The following CNTLN variants were observed in gnomAD, a reference collection of about 807,000 sequenced individuals.
CNTLN encodes centlein.
Under a neutral mutation model 180.0 loss-of-function variants are expected in CNTLN, and 212 were observed. The observed-to-expected ratio is 1.18, with a 90% CI of 1.05 to 1.32. The LOEUF (loss-of-function observed/expected upper bound fraction) is 1.32. Ranked by LOEUF, CNTLN falls within the 40% of genes most tolerant of loss-of-function variation. The pLI, the probability that CNTLN is intolerant of heterozygous loss-of-function variation, is 0.00. For missense variants in CNTLN, 2,095 were observed against 1,610.9 expected, an observed-to-expected ratio of 1.30 and a Z score of -5.14; for synonymous variants, 722 against 563.1, an observed-to-expected ratio of 1.28 and a Z score of -3.99.
intron 13 of CNTLN, among the ~76,000 whole-genome samples, chr9:17,384,745 C>T (rs1331737466): frequency 6.6e-6 from 1 of 152,040 alleles, no homozygotes; most frequent in Non-Finnish European, 1.5e-5. Flanking sequence ...CTGATTATTG[C>T]CTATTTATCC....
chr9:17,347,404 C>G (rs556577625), intron 12 of CNTLN, among the ~76,000 whole-genome samples: 1 of 152,300 alleles, frequency 6.6e-6, no homozygotes, highest in South Asian at 2.1e-4. Context: ...CACAGTGGCT[C>G]ATGCCTGTAA....
rs1281993370 is a variant in CNTLN, at chr9:17,366,782, A to G, written c.1987+65A>G. 6 of 903,776 alleles carry G rather than the reference A, an allele frequency of 6.6e-6. No homozygotes were observed. The African/African-American group carries it at 8.7e-5, about 13-fold the overall frequency. 56.0% of individuals were successfully genotyped at this position (903,776 alleles called of 1,614,324 possible). ...AAAATTGTGTAATTCTTGATGTTTT[A>G]GTTTCAATTTCTTTTAAGAATCTTA... On this transcript the variant is annotated intron_variant, in intron 13 of 25. Coordinates refer to ENST00000380647, the MANE Select transcript of CNTLN (RefSeq NM_017738.4).
intron 6 of CNTLN, among the ~76,000 whole-genome samples, chr9:17,292,722 G>C (rs1489454086): frequency 6.6e-6 from 1 of 152,056 alleles, no homozygotes; most frequent in African/African-American, 2.4e-5. Context: ...ATGGTTCTTA[G>C]CTTCTTTGTA....
rs190115357 is a variant in CNTLN, at chr9:17,251,337, A to G, written c.849+14749A>G. ...TTGGGCCATCATTTATTCAAATAGT[A>G]TTTCTACCATTTTCTTGGTCCCTTC... On this transcript the variant is annotated intron_variant, in intron 5 of 25. Transcript: ENST00000380647. Among the ~76,000 whole-genome samples the G allele has an allele frequency of 4.6e-5, 7 of 151,970 alleles. No individual in the cohort carries two copies. The East Asian group carries it at 1.2e-3, about 25-fold the overall frequency.
At chr9:17,141,233 C>T (rs970786346) in intron 1 of CNTLN, among the ~76,000 whole-genome samples, 1 of 151,916 alleles carries the variant, frequency 6.6e-6, no homozygotes, top group African/African-American at 2.4e-5. Flanking sequence ...ATATCTGCCA[C>T]ACAAGTAAAA....
chr9:17,261,438 T>G (rs1016748780), intron 5 of CNTLN, among the ~76,000 whole-genome samples: 1 of 151,468 alleles, frequency 6.6e-6, no homozygotes, highest in Non-Finnish European at 1.5e-5. Context: ...TTGTGGCTAT[T>G]GTAAATGGGA....
chr9:17,456,894 G>A lies in CNTLN; in HGVS notation c.3115-630G>A, dbSNP rs182095812. Among the ~76,000 whole-genome samples, 824 of 152,172 alleles carry A rather than the reference G, an allele frequency of 5.4e-3. 7 individuals are homozygous for A. Among genetic ancestry groups the A allele is most frequent in the African/African-American group, 0.018 (730 of 41,546 alleles). On this transcript the variant is annotated intron_variant, in intron 18 of 25. Coordinates refer to ENST00000380647, the MANE Select transcript of CNTLN (RefSeq NM_017738.4). Reference sequence around the variant, plus strand: ...TTACTATTATGTCATTTAGCAAAATGTTTATGCTATTAAAAATTCAAAATG... The same window carrying A: ...TTACTATTATGTCATTTAGCAAAATATTTATGCTATTAAAAATTCAAAATG...
At chr9:17,523,994 T>A in the CNTLN span, among the ~76,000 whole-genome samples, 1 of 152,202 alleles carries the variant, frequency 6.6e-6, no homozygotes, top group Non-Finnish European at 1.5e-5. Context: ...GAAACGTCCC[T>A]TTACTCTTAT....
chr9:17,272,251 A>AT, intron 5 of CNTLN, among the ~76,000 whole-genome samples: 1 of 151,980 alleles, frequency 6.6e-6, no homozygotes, highest in South Asian at 2.1e-4. Context: ...TAATTTTTGC[A>AT]TTTTTAGTAG....
intron 6 of CNTLN, among the ~76,000 whole-genome samples, chr9:17,280,890 T>G (rs1435452609): frequency 6.6e-6 from 1 of 152,186 alleles, no homozygotes; most frequent in Admixed American, 6.5e-5. Context: ...TTGAACTGTA[T>G]ATATCTGGTA....
chr9:17,445,219 T>C (rs1830334714), intron 18 of CNTLN, among the ~76,000 whole-genome samples: 1 of 152,174 alleles, frequency 6.6e-6, no homozygotes, highest in Non-Finnish European at 1.5e-5. Context: ...CAACATGATA[T>C]GAATACTTAG....
chr9:17,211,201 A>G (rs1823278738), intron 2 of CNTLN, among the ~76,000 whole-genome samples: 1 of 152,194 alleles, frequency 6.6e-6, no homozygotes, highest in Non-Finnish European at 1.5e-5. Flanking sequence ...CTAACGTTTA[A>G]GTCTTTAATC....
chr9:17,495,011 T>C lies in CNTLN; in HGVS notation c.4120-7540T>C, dbSNP rs1272019839. ...GTTCTGCCTCAGCCTCCTGAGTAGC[T>C]GGGACTACAGGTGCGTGCCACCATG... is the stretch of plus-strand genomic sequence containing the variant. On this transcript the variant is annotated intron_variant, in intron 25 of 25. Transcript: ENST00000380647. 4.6e-6 allele frequency: 2 copies of C among 432,944 alleles called. 1 individual carries two copies. Among genetic ancestry groups the C allele is most frequent in the Non-Finnish European group, 9.1e-6 (2 of 219,190 alleles). 26.8% of individuals were successfully genotyped at this position (432,944 alleles called of 1,614,324 possible).
At chr9:17,481,146 A>G (rs1832624978) in intron 23 of CNTLN, among the ~76,000 whole-genome samples, 1 of 152,132 alleles carries the variant, frequency 6.6e-6, no homozygotes, top group South Asian at 2.1e-4. Flanking sequence ...CCCGCCGACC[A>G]AGGAGCCTAG....
At chr9:17,287,532 T>G (rs1461525128) in intron 6 of CNTLN, among the ~76,000 whole-genome samples, 1 of 151,218 alleles carries the variant, frequency 6.6e-6, no homozygotes, top group Non-Finnish European at 1.5e-5. Flanking sequence ...AAAATGAGTT[T>G]GGGAGGATTC....
At chr9:17,137,198 T>A (rs969969285) in intron 1 of CNTLN, among the ~76,000 whole-genome samples, 2 of 152,196 alleles carry the variant, frequency 1.3e-5, no homozygotes, top group African/African-American at 4.8e-5. Context: ...ACAGAGATGG[T>A]CATAATAGTC....
intron 2 of CNTLN, among the ~76,000 whole-genome samples, chr9:17,171,110 G>C (rs550348338): frequency 6.6e-6 from 1 of 152,168 alleles, no homozygotes; most frequent in African/African-American, 2.4e-5. Flanking sequence ...TAAGTTACAC[G>C]TGACTGTATT....
intron 12 of CNTLN, among the ~76,000 whole-genome samples, chr9:17,353,793 C>G (rs1464252005): frequency 1.3e-5 from 2 of 152,108 alleles, no homozygotes; most frequent in African/African-American, 4.8e-5. Context: ...AGAGCCCTCG[C>G]TTGCTCTCCG....
rs186183289 is a variant in CNTLN, at chr9:17,215,821, G to A, written c.450-10382G>A. On this transcript the variant is annotated intron_variant, in intron 2 of 25. Transcript: ENST00000380647. ...TCAGACTGCTGTGCTAGCAATGAGC[G>A]AGGCTCCGTGGGTGTGGGACCCTCT... Among the ~76,000 whole-genome samples the A allele has an allele frequency of 5.3e-3, 810 of 152,216 alleles. 3 individuals carry two copies. The highest frequency in any genetic ancestry group is 8.7e-3 in the Non-Finnish European group (589 of 68,006).
Sources: allele counts gnomAD v4.1 joint callset (sites outside exome capture counted in the v4.1 genomes callset), GRCh38; gene constraint gnomAD v4.1.1; transcripts MANE v1.5; gene names NCBI Gene and HGNC (gene_info 2026-07-23, HGNC 2026-07-21).